SLC35F3: variants seen among roughly 807,000 people sequenced by gnomAD.
The protein encoded by SLC35F3 is solute carrier family 35 member F3.
SLC35F3 carries 25 observed loss-of-function variants against 49.9 expected under a neutral mutation model. The ratio of observed to expected loss-of-function variants is 0.50; its 90% CI spans 0.37 to 0.70. The LOEUF (loss-of-function observed/expected upper bound fraction) is 0.70. Among genes scored for constraint, SLC35F3 ranks in the 30% least tolerant of loss-of-function variants. SLC35F3 has a pLI of 0.00. For synonymous variants in SLC35F3, 275 were observed against 265.4 expected, an observed-to-expected ratio of 1.04 and a Z score of -0.35; for missense variants, 525 against 639.8, an observed-to-expected ratio of 0.82 and a Z score of 1.94.
chr1:234,098,879 G>A lies in SLC35F3; in HGVS notation c.284-132538G>A, dbSNP rs374092726. On this transcript the variant is annotated intron_variant, in intron 2 of 7. Transcript: ENST00000366618. ...CAGTTCAGATGGCGGTGGTAGTGAC[G>A]GTGTTATAGGGTGATGGTGGTGACT... Among the ~76,000 whole-genome samples the A allele has an allele frequency of 2.0e-3, 300 of 150,812 alleles. 2 individuals carry two copies. In the South Asian group the frequency reaches 0.022, roughly 11 times the overall value.
Position 234,253,313 on chromosome 1 carries a change from C to CA in SLC35F3, c.608+21579dup, listed in dbSNP as rs577262004. Among the ~76,000 whole-genome samples the CA allele has an allele frequency of 4.3e-3, 635 of 149,248 alleles. 2 individuals are homozygous for CA. The highest frequency in any genetic ancestry group is 0.015 in the African/African-American group (594 of 40,558). On this transcript the variant is annotated intron_variant, in intron 3 of 7. Transcript: ENST00000366618. ...CGCACTCCAGCCTGGGCAACAAGAG[C>CA]AAAAAAACTTCATCTCAAAAAAAAT...
intron 2 of SLC35F3, among the ~76,000 whole-genome samples, chr1:234,111,370 C>A (rs1432631048): frequency 6.6e-6 from 1 of 152,142 alleles, no homozygotes; most frequent in Non-Finnish European, 1.5e-5. Flanking sequence ...CAGCTCACTG[C>A]AACCTCCACC....
chr1:233,918,161 A>G (rs1302516577), intron 2 of SLC35F3, among the ~76,000 whole-genome samples: 1 of 152,226 alleles, frequency 6.6e-6, no homozygotes, highest in African/African-American at 2.4e-5. Context: ...GCCTCTTTGG[A>G]ACAGATGACT....
chr1:234,278,923 G>A (rs79154204), intron 3 of SLC35F3, among the ~76,000 whole-genome samples: 8,740 of 152,190 alleles, frequency 0.057, 288 homozygotes, highest in African/African-American at 0.088. Flanking sequence ...TTTTGGCGGT[G>A]TGAACCCTGA....
At chr1:234,068,823 T>TTTTATATATATA (rs1553302354) in intron 2 of SLC35F3, among the ~76,000 whole-genome samples, 6 of 71,152 alleles carry the variant, frequency 8.4e-5, no homozygotes, top group Admixed American at 6.3e-4. Flanking sequence ...ATTTGAGACA[T>TTTTATATATATA]TATATATATA....
At chr1:233,905,424 G>A (rs1353098926) in intron 1 of SLC35F3, 105 bp from the exon 2 acceptor site, 3 of 905,180 alleles carry the variant, frequency 3.3e-6, no homozygotes, top group South Asian at 3.5e-5. Flanking sequence ...GGAGGGCCCC[G>A]GCCGCGCTCT....
intron 3 of SLC35F3, among the ~76,000 whole-genome samples, chr1:234,294,322 GCT>G (rs1668557996): frequency 6.6e-6 from 1 of 152,188 alleles, no homozygotes; most frequent in African/African-American, 2.4e-5. Context: ...CTGTTTCCTG[GCT>G]CTGTCTCGGC....
intron 2 of SLC35F3, among the ~76,000 whole-genome samples, chr1:234,121,329 G>A (rs1269492705): frequency 3.3e-5 from 5 of 151,618 alleles, no homozygotes; most frequent in East Asian, 2.0e-4. Context: ...TAGTAGAGAC[G>A]GGGTTTCACC....
intron 2 of SLC35F3, among the ~76,000 whole-genome samples, chr1:234,009,015 A>G (rs931798590): frequency 6.6e-6 from 1 of 152,210 alleles, no homozygotes; most frequent in African/African-American, 2.4e-5. Flanking sequence ...CATAAAGTTA[A>G]TACTCTAAAA....
chr1:234,199,878 G>A (rs1220012399), intron 2 of SLC35F3, among the ~76,000 whole-genome samples: 2 of 152,116 alleles, frequency 1.3e-5, no homozygotes, highest in African/African-American at 4.8e-5. Context: ...TGGTCAACAG[G>A]TATATGAAAA....
chr1:234,226,744 A>G (rs1024106136), intron 2 of SLC35F3, among the ~76,000 whole-genome samples: 3 of 152,220 alleles, frequency 2.0e-5, no homozygotes, highest in Middle Eastern at 3.4e-3. Flanking sequence ...GCTTAACCAA[A>G]GAGTGTGAAT....
intron 2 of SLC35F3, among the ~76,000 whole-genome samples, chr1:233,994,175 G>C (rs1409541782): frequency 6.6e-6 from 1 of 152,188 alleles, no homozygotes. Context: ...GTGGAGAAGA[G>C]AGTAGCAATT....
chr1:234,230,511 T>A (rs534928234), intron 2 of SLC35F3, among the ~76,000 whole-genome samples: 1 of 152,316 alleles, frequency 6.6e-6, no homozygotes, highest in East Asian at 1.9e-4. Flanking sequence ...TTTGCATCCA[T>A]CCGTAGTTAC....
rs80295439 is a variant in SLC35F3 at position 233,975,654 on chromosome 1, G to A, written c.283+69896G>A. Among the ~76,000 whole-genome samples, 1,496 of 152,352 alleles carry A rather than the reference G, an allele frequency of 9.8e-3. 29 individuals carry two copies. The highest frequency in any genetic ancestry group is 0.033 in the African/African-American group (1,373 of 41,576). ...GAGGGGCGCTGCTGTGGGCAGGAGCGTGGTTGAACGGGGAGCAACAGGCCA... is the reference window on the plus strand; with the variant it reads ...GAGGGGCGCTGCTGTGGGCAGGAGCATGGTTGAACGGGGAGCAACAGGCCA... On this transcript the variant is annotated intron_variant, in intron 2 of 7. Coordinates refer to ENST00000366618, the MANE Select transcript of SLC35F3 (RefSeq NM_173508.4).
intron 2 of SLC35F3, among the ~76,000 whole-genome samples, chr1:233,921,809 C>A (rs541647726): frequency 1.4e-5 from 2 of 147,750 alleles, no homozygotes; most frequent in African/African-American, 5.0e-5. Context: ...CCCCTCCCCC[C>A]AACAGGCCCC....
chr1:234,223,592 TATAA>T (rs1667242023), intron 2 of SLC35F3, among the ~76,000 whole-genome samples: 1 of 152,186 alleles, frequency 6.6e-6, no homozygotes, highest in African/African-American at 2.4e-5. Flanking sequence ...TAAGATAGCA[TATAA>T]TATTTATAAC....
chr1:234,089,925 C>T (rs1036594117), intron 2 of SLC35F3, among the ~76,000 whole-genome samples: 3 of 152,178 alleles, frequency 2.0e-5, no homozygotes, highest in African/African-American at 7.2e-5. Flanking sequence ...AAGATAACTC[C>T]ACAGGCCCAG....
chr1:234,233,862 TTTTG>T (rs774767004), intron 3 of SLC35F3, among the ~76,000 whole-genome samples: 2 of 152,158 alleles, frequency 1.3e-5, no homozygotes, highest in Non-Finnish European at 2.9e-5. Flanking sequence ...TTGTTTTGTT[TTTTG>T]TTTGTTTTTT....
At chr1:234,215,314 C>A (rs1427321380) in intron 2 of SLC35F3, among the ~76,000 whole-genome samples, 2 of 152,192 alleles carry the variant, frequency 1.3e-5, no homozygotes, top group Non-Finnish European at 2.9e-5. Flanking sequence ...AGAAGCAGCC[C>A]ACCGAGGAGA....
Sources: gnomAD v4.1 joint callset for allele counts (sites outside exome capture counted in the v4.1 genomes callset) on GRCh38, gnomAD v4.1.1 for gene constraint, MANE v1.5 for transcripts, NCBI Gene and HGNC (gene_info 2026-07-23, HGNC 2026-07-21) for gene names.